ADK: variants seen among roughly 807,000 people sequenced by gnomAD.
ADK encodes adenosine kinase, also known as N6,N6-dimethyladenosine kinase.
In ADK, 24 loss-of-function variants were observed where a neutral mutation model predicts 44.7. That is an observed-to-expected ratio of 0.54 (90% confidence interval 0.39 to 0.76). The LOEUF (loss-of-function observed/expected upper bound fraction) is 0.76. Among genes scored for constraint, ADK ranks in the 30% least tolerant of loss-of-function variants. The pLI is 0.00. For synonymous variants in ADK, 128 were observed against 142.6 expected, an observed-to-expected ratio of 0.90 and a Z score of 0.73; for missense variants, 321 against 425.1, an observed-to-expected ratio of 0.76 and a Z score of 2.15.
At chr10:74,621,537 G>GT (rs1220900848) in intron 9 of ADK, among the ~76,000 whole-genome samples, 1 of 151,978 alleles carries the variant, frequency 6.6e-6, no homozygotes, top group African/African-American at 2.4e-5. Flanking sequence ...TGCTCAGGAT[G>GT]TTTTTTACCA....
At chr10:74,635,460 A>G (rs997347852) in intron 9 of ADK, among the ~76,000 whole-genome samples, 3 of 152,236 alleles carry the variant, frequency 2.0e-5, no homozygotes, top group South Asian at 4.1e-4. Flanking sequence ...TATAAAGTCA[A>G]TGGAAACAGG....
chr10:74,499,549 G>C (rs1032704846), intron 6 of ADK, among the ~76,000 whole-genome samples: 1 of 152,078 alleles, frequency 6.6e-6, no homozygotes, highest in Non-Finnish European at 1.5e-5. Context: ...TTAGCCAGGC[G>C]TGGTGGCGGG....
At chr10:74,257,014 G>C (rs953923728) in intron 3 of ADK, among the ~76,000 whole-genome samples, 5 of 152,094 alleles carry the variant, frequency 3.3e-5, no homozygotes, top group Non-Finnish European at 7.4e-5. Context: ...GAGTCATTTT[G>C]AAAGAGACTA....
At chr10:74,371,792 T>C (rs1842666656) in intron 4 of ADK, 1 of 1,298,402 alleles carries the variant, frequency 7.7e-7, no homozygotes, top group Non-Finnish European at 1.1e-6. Flanking sequence ...GCCAAAGGGC[T>C]GTGCTGAAGT....
At chr10:74,362,096 A>G (rs1218235480) in intron 4 of ADK, among the ~76,000 whole-genome samples, 1 of 152,026 alleles carries the variant, frequency 6.6e-6, no homozygotes, top group South Asian at 2.1e-4. Flanking sequence ...CTACCTGAAT[A>G]TTTATATCTT....
chr10:74,604,556 A>G (rs1449712890), intron 9 of ADK, among the ~76,000 whole-genome samples: 1 of 152,090 alleles, frequency 6.6e-6, no homozygotes, highest in East Asian at 1.9e-4. Context: ...CAAAGATCAG[A>G]TCGTTGTAGA....
chr10:74,240,837 G>GT (rs1325034935), intron 3 of ADK, among the ~76,000 whole-genome samples: 1 of 152,246 alleles, frequency 6.6e-6, no homozygotes, highest in Non-Finnish European at 1.5e-5. Context: ...TTTTAAAACT[G>GT]TAACATCTTA....
chr10:74,260,499 G>A (rs1846003636), intron 3 of ADK, among the ~76,000 whole-genome samples: 1 of 152,280 alleles, frequency 6.6e-6, no homozygotes, highest in African/African-American at 2.4e-5. Context: ...CTGGCCTCAA[G>A]TGATCCTCCT....
At chr10:74,680,421 T>A (rs1855562786) in intron 10 of ADK, among the ~76,000 whole-genome samples, 1 of 152,240 alleles carries the variant, frequency 6.6e-6, no homozygotes, top group East Asian at 1.9e-4. Flanking sequence ...GGTATACTTA[T>A]AAAAGCATAT....
chr10:74,175,879 C>G (rs750397686), intron 1 of ADK, among the ~76,000 whole-genome samples: 1 of 152,152 alleles, frequency 6.6e-6, no homozygotes, highest in Non-Finnish European at 1.5e-5. Context: ...GTTAATTTTC[C>G]TTTTATTGGT....
intron 6 of ADK, among the ~76,000 whole-genome samples, chr10:74,464,624 A>G (rs78998327): frequency 6.6e-6 from 1 of 152,186 alleles, no homozygotes; most frequent in Admixed American, 6.5e-5. Context: ...GTTTTACTGT[A>G]TATTTGTTTC....
At chr10:74,180,167 G>A (rs1842481777) in intron 1 of ADK, among the ~76,000 whole-genome samples, 1 of 150,872 alleles carries the variant, frequency 6.6e-6, no homozygotes. Context: ...GCCCCACTGA[G>A]GGCCTTTTCT....
chr10:74,525,638 A>G (rs1849007026), intron 7 of ADK, among the ~76,000 whole-genome samples: 1 of 151,898 alleles, frequency 6.6e-6, no homozygotes, highest in Admixed American at 6.6e-5. Flanking sequence ...TTAGTGAAGC[A>G]TTTATTTATT....
chr10:74,423,297 A>G (rs1844636196), intron 6 of ADK: 2 of 153,604 alleles, frequency 1.3e-5, no homozygotes, highest in African/African-American at 2.4e-5. Flanking sequence ...TCAAAATTAT[A>G]TGGAGAAATC....
chr10:74,300,270 CCT>C lies in ADK; in HGVS notation c.195-14396_195-14395del, dbSNP rs1564640722. On this transcript the variant is annotated intron_variant, in intron 3 of 10. Coordinates refer to ENST00000539909, the MANE Select transcript of ADK (RefSeq NM_006721.4). Reference sequence around the variant, plus strand: ...TCTCTCTCTCCTTGTTTCCTTCCTTCCTTCCTTCCTTCCTTCCTTCCTTCCTT... The same window carrying C: ...TCTCTCTCTCCTTGTTTCCTTCCTTCTCCTTCCTTCCTTCCTTCCTTCCTT... Among the ~76,000 whole-genome samples the C allele has an allele frequency of 5.5e-3, 204 of 37,360 alleles. 4 individuals are homozygous for C. Among genetic ancestry groups the C allele is most frequent in the African/African-American group, 0.016 (174 of 10,954 alleles). The allele number at this position is 37,360 out of a possible 152,430, so 24.5% of individuals were successfully genotyped here. A position where few individuals can be genotyped will look rare whatever the true frequency, so the allele number is the denominator to read the frequency against.
chr10:74,281,622 A>AT (rs1490658460), intron 3 of ADK, among the ~76,000 whole-genome samples: 1 of 152,214 alleles, frequency 6.6e-6, no homozygotes, highest in Non-Finnish European at 1.5e-5. Flanking sequence ...ACTTTTTGTT[A>AT]TATGAGATAA....
intron 1 of ADK, among the ~76,000 whole-genome samples, chr10:74,195,629 G>A (rs1202809551): frequency 2.0e-5 from 3 of 150,778 alleles, no homozygotes; most frequent in Non-Finnish European, 4.4e-5. Context: ...GATTATGGGT[G>A]TGCACCACCA....
At chr10:74,318,783 C>G (rs1370475978) in intron 4 of ADK, among the ~76,000 whole-genome samples, 1 of 152,196 alleles carries the variant, frequency 6.6e-6, no homozygotes, top group East Asian at 1.9e-4. Flanking sequence ...CCAAAACCTG[C>G]ATTTAGCTAA....
intron 4 of ADK, among the ~76,000 whole-genome samples, chr10:74,366,478 C>G (rs1470811295): frequency 6.6e-6 from 1 of 151,964 alleles, no homozygotes; most frequent in Non-Finnish European, 1.5e-5. Flanking sequence ...CAAACAATTG[C>G]TAGGTTAATT....
Sources: allele counts gnomAD v4.1 joint callset (sites outside exome capture counted in the v4.1 genomes callset), GRCh38; gene constraint gnomAD v4.1.1; transcripts MANE v1.5; gene names NCBI Gene and HGNC (gene_info 2026-07-23, HGNC 2026-07-21).